The following MACROD2 variants were observed in gnomAD, a reference collection of about 807,000 sequenced individuals.
The protein encoded by MACROD2 is ADP-ribose glycohydrolase MACROD2.
In MACROD2, 36 loss-of-function variants were observed where a neutral mutation model predicts 70.4. The ratio of observed to expected loss-of-function variants is 0.51; its 90% CI spans 0.39 to 0.68. The LOEUF (loss-of-function observed/expected upper bound fraction) is 0.68, where lower values mean the gene tolerates loss of function less well. Ranked by LOEUF, MACROD2 falls within the 30% of genes least tolerant of loss-of-function variation. MACROD2 has a pLI of 0.00. For missense variants in MACROD2, 496 were observed against 538.4 expected (o/e 0.92, Z 0.78); for synonymous variants, 172 against 178.8 (o/e 0.96, Z 0.30).
intron 5 of MACROD2, among the ~76,000 whole-genome samples, chr20:15,016,232 G>A (rs908894260): frequency 6.6e-6 from 1 of 152,170 alleles, no homozygotes. Context: ...GTCATGAAAA[G>A]AAATGATGAA....
intron 5 of MACROD2, among the ~76,000 whole-genome samples, chr20:15,219,138 C>T (rs995313117): frequency 1.3e-5 from 2 of 152,122 alleles, no homozygotes; most frequent in African/African-American, 2.4e-5. Context: ...CCTATGGAGT[C>T]GAAAGACATC....
intron 5 of MACROD2, among the ~76,000 whole-genome samples, chr20:15,153,070 C>T (rs1316438128): frequency 2.0e-5 from 3 of 152,070 alleles, no homozygotes; most frequent in Admixed American, 2.0e-4. Context: ...GTAGGTGGAT[C>T]TTTCTCATGG....
At position 14,573,575 on chromosome 20, in the gene MACROD2, A is replaced by T. The variant is rs962004587; in HGVS notation, c.301+80067A>T. Among the ~76,000 whole-genome samples, 68 of 104,560 alleles carry T rather than the reference A, an allele frequency of 6.5e-4. 1 individual carries two copies. The South Asian group carries it at 0.015, about 23-fold the overall frequency. The allele number at this position is 104,560 out of a possible 152,430, so 68.6% of individuals were successfully genotyped here. A position where few individuals can be genotyped will look rare whatever the true frequency, so the allele number is the denominator to read the frequency against. On this transcript the variant is annotated intron_variant, in intron 4 of 17. Coordinates refer to ENST00000684519, the MANE Select transcript of MACROD2 (RefSeq NM_001351661.2). Reference sequence around the variant, plus strand: ...TAGGATTAGGCCTTAGAGAAAAGATATTATTTTTTTTTTCAGATATACTTG... The same window carrying T: ...TAGGATTAGGCCTTAGAGAAAAGATTTTATTTTTTTTTTCAGATATACTTG...
At chr20:14,348,752 A>AT (rs2083090169) in intron 3 of MACROD2, among the ~76,000 whole-genome samples, 1 of 152,128 alleles carries the variant, frequency 6.6e-6, no homozygotes, top group South Asian at 2.1e-4. Flanking sequence ...CCATATATGC[A>AT]TTTTTTAACT....
chr20:15,436,223 C>G (rs2046426161), intron 7 of MACROD2, among the ~76,000 whole-genome samples: 1 of 151,898 alleles, frequency 6.6e-6, no homozygotes, highest in African/African-American at 2.4e-5. Flanking sequence ...ACCTGAGACT[C>G]CGTAATTCAC....
intron 9 of MACROD2, among the ~76,000 whole-genome samples, chr20:15,874,009 T>C (rs889812008): frequency 9.9e-5 from 15 of 152,174 alleles, no homozygotes; most frequent in South Asian, 2.1e-4. Flanking sequence ...TGGTTTGCTG[T>C]ACCCGTCAAC....
intron 5 of MACROD2, among the ~76,000 whole-genome samples, chr20:15,153,890 CAGA>C (rs1346466144): frequency 6.6e-6 from 1 of 152,048 alleles, no homozygotes; most frequent in Non-Finnish European, 1.5e-5. Flanking sequence ...TGTATTTTTC[CAGA>C]AGGATTTTTT....
chr20:15,795,830 C>T (rs1029107716), intron 8 of MACROD2, among the ~76,000 whole-genome samples: 2 of 152,202 alleles, frequency 1.3e-5, no homozygotes, highest in African/African-American at 4.8e-5. Context: ...TGGTGGCATT[C>T]GTTCTACTGT....
chr20:14,288,694 AT>A (rs1241652446), intron 3 of MACROD2, among the ~76,000 whole-genome samples: 10 of 151,744 alleles, frequency 6.6e-5, no homozygotes, highest in Admixed American at 5.9e-4. Context: ...CTTCATTTCC[AT>A]TTTGTAGTGT....
chr20:15,082,542 T>TC (rs2075713024), intron 5 of MACROD2, among the ~76,000 whole-genome samples: 2 of 141,600 alleles, frequency 1.4e-5, no homozygotes, highest in Admixed American at 1.4e-4. Context: ...TTTTTTTTTT[T>TC]TTTTCCTAAG....
intron 5 of MACROD2, among the ~76,000 whole-genome samples, chr20:15,209,621 A>G (rs960905951): frequency 2.6e-5 from 4 of 152,174 alleles, no homozygotes; most frequent in Admixed American, 2.6e-4. Flanking sequence ...AGACATATCC[A>G]AAATCCTCAC....
chr20:14,897,833 G>A (rs116995343), intron 5 of MACROD2, among the ~76,000 whole-genome samples: 1,710 of 152,230 alleles, frequency 0.011, 22 homozygotes, highest in Middle Eastern at 0.037. Context: ...CAGTGAGGGT[G>A]CTCTTCTTCA....
At chr20:14,197,428 A>G (rs2081441526) in intron 3 of MACROD2, among the ~76,000 whole-genome samples, 1 of 152,218 alleles carries the variant, frequency 6.6e-6, no homozygotes. Flanking sequence ...TTTCAACTGA[A>G]ATTTTCTTAC....
At chr20:15,468,193 A>T (rs188572626) in intron 7 of MACROD2, among the ~76,000 whole-genome samples, 1 of 152,324 alleles carries the variant, frequency 6.6e-6, no homozygotes, top group East Asian at 1.9e-4. Flanking sequence ...CAGGATCCAC[A>T]TCAACTAACA....
chr20:15,098,163 T>C (rs1206798936), intron 5 of MACROD2, among the ~76,000 whole-genome samples: 2 of 152,128 alleles, frequency 1.3e-5, no homozygotes, highest in African/African-American at 4.8e-5. Context: ...GCCCCATGCT[T>C]AGAAGGGACC....
At chr20:15,250,972 G>T (rs953438281) in intron 6 of MACROD2, among the ~76,000 whole-genome samples, 2 of 152,162 alleles carry the variant, frequency 1.3e-5, no homozygotes, top group African/African-American at 2.4e-5. Flanking sequence ...CTTCATGTTT[G>T]CATCAAGACC....
chr20:14,600,543 A>G (rs1288860353), intron 4 of MACROD2, among the ~76,000 whole-genome samples: 1 of 152,166 alleles, frequency 6.6e-6, no homozygotes, highest in Non-Finnish European at 1.5e-5. Flanking sequence ...TGATAGGCAC[A>G]ATTCTATGTA....
chr20:15,945,522 G>A (rs902493224), intron 12 of MACROD2, among the ~76,000 whole-genome samples: 1 of 152,152 alleles, frequency 6.6e-6, no homozygotes, highest in Non-Finnish European at 1.5e-5. Flanking sequence ...TTATTTGTAT[G>A]GAAAGATTCC....
At chr20:15,410,735 T>C (rs901845528) in intron 6 of MACROD2, among the ~76,000 whole-genome samples, 1 of 152,038 alleles carries the variant, frequency 6.6e-6, no homozygotes. Flanking sequence ...AACTTAGTGA[T>C]GTTCCTCCAT....
Sources: allele counts gnomAD v4.1 joint callset (sites outside exome capture counted in the v4.1 genomes callset), GRCh38; gene constraint gnomAD v4.1.1; transcripts MANE v1.5; gene names NCBI Gene and HGNC (gene_info 2026-07-23, HGNC 2026-07-21).